Variants in PLEKHA5 observed in about 807,000 individuals in gnomAD.
PLEKHA5 encodes pleckstrin homology domain-containing family A member 5.
A neutral mutation model predicts 181.9 loss-of-function variants in PLEKHA5; 55 were observed. That is an observed-to-expected ratio of 0.30 (90% CI 0.24 to 0.38). The LOEUF (loss-of-function observed/expected upper bound fraction) is 0.38, where lower values mean the gene tolerates loss of function less well. Ranked by LOEUF, PLEKHA5 falls within the 10% of genes least tolerant of loss-of-function variation. The pLI is 1.00. For missense variants in PLEKHA5, 1,432 were observed against 1,549.5 expected, an observed-to-expected ratio of 0.92 and a Z score of 1.27; for synonymous variants, 535 against 529.4, an observed-to-expected ratio of 1.01 and a Z score of -0.15.
At chr12:19,367,912 T>C (rs951200520) in intron 30 of PLEKHA5, among the ~76,000 whole-genome samples, 3 of 151,890 alleles carry the variant, frequency 2.0e-5, no homozygotes, top group Middle Eastern at 3.4e-3. Flanking sequence ...AGTCCATAAG[T>C]AAAAAACCAT....
At chr12:19,200,498 C>A in intron 3 of PLEKHA5, 1 of 1,367,320 alleles carries the variant, frequency 7.3e-7, no homozygotes, top group Non-Finnish European at 9.4e-7. Flanking sequence ...TTCTCCATAA[C>A]AAATGTTCCA....
intron 5 of PLEKHA5, among the ~76,000 whole-genome samples, chr12:19,256,691 A>G (rs1189540204): frequency 6.6e-6 from 1 of 152,244 alleles, no homozygotes; most frequent in Non-Finnish European, 1.5e-5. Flanking sequence ...CTGGATTTCC[A>G]AAGATTCTGA....
At chr12:19,281,206 G>A (rs1295424421) in intron 11 of PLEKHA5, among the ~76,000 whole-genome samples, 2 of 148,462 alleles carry the variant, frequency 1.3e-5, no homozygotes, top group African/African-American at 5.0e-5. Context: ...CAGCCTGGGT[G>A]ACAGAGTGAG....
chr12:19,156,774 G>C (rs950182850), intron 3 of PLEKHA5, among the ~76,000 whole-genome samples: 6 of 151,770 alleles, frequency 4.0e-5, no homozygotes, highest in Non-Finnish European at 7.4e-5. Context: ...GTCCAGCACG[G>C]TGGCTCACGC....
intron 29 of PLEKHA5, among the ~76,000 whole-genome samples, chr12:19,362,176 A>T (rs1485112528): frequency 1.3e-5 from 2 of 149,094 alleles, no homozygotes; most frequent in African/African-American, 4.9e-5. Flanking sequence ...TCAAAAAAAA[A>T]AAAAAAAAAA....
intron 15 of PLEKHA5, among the ~76,000 whole-genome samples, chr12:19,304,671 T>C (rs2082616764): frequency 6.6e-6 from 1 of 151,786 alleles, no homozygotes; most frequent in Non-Finnish European, 1.5e-5. Flanking sequence ...AGGCTGTCTT[T>C]CCCCCAGTCC....
At chr12:19,245,031 GAAAGGT>G (rs2063396180) in intron 3 of PLEKHA5, among the ~76,000 whole-genome samples, 1 of 152,146 alleles carries the variant, frequency 6.6e-6, no homozygotes, top group Admixed American at 6.5e-5. Context: ...ATTGCATTAT[GAAAGGT>G]AGTGTGTAGC....
chr12:19,239,265 C>G (rs927519539), intron 3 of PLEKHA5, among the ~76,000 whole-genome samples: 1 of 152,166 alleles, frequency 6.6e-6, no homozygotes, highest in African/African-American at 2.4e-5. Context: ...ATAGCATGCC[C>G]TGCGTTGTAC....
intron 18 of PLEKHA5, among the ~76,000 whole-genome samples, chr12:19,321,229 A>T (rs1234908652): frequency 1.3e-5 from 2 of 151,908 alleles, no homozygotes; most frequent in Non-Finnish European, 2.9e-5. Context: ...TTTCAGATAA[A>T]GTTCGGCCTT....
At chr12:19,223,570 A>G (rs1411737281) in intron 3 of PLEKHA5, among the ~76,000 whole-genome samples, 3 of 152,296 alleles carry the variant, frequency 2.0e-5, no homozygotes, top group South Asian at 2.1e-4. Context: ...CATGGTATAC[A>G]TATCACCGAT....
chr12:19,346,045 G>A (rs2094310395), intron 23 of PLEKHA5, among the ~76,000 whole-genome samples, 157 bp downstream of exon 23: 1 of 151,960 alleles, frequency 6.6e-6, no homozygotes, highest in African/African-American at 2.4e-5. Flanking sequence ...TCAGTAATTT[G>A]GTGCTTCTAA....
intron 3 of PLEKHA5, among the ~76,000 whole-genome samples, chr12:19,247,982 G>C (rs2064214918): frequency 1.3e-5 from 2 of 151,678 alleles, no homozygotes; most frequent in Admixed American, 1.3e-4. Context: ...GCCCAGGCTG[G>C]AGTGCAGTGG....
chr12:19,141,765 AGTAGAACTT>A (rs60975266), intron 3 of PLEKHA5, among the ~76,000 whole-genome samples: 116,574 of 152,070 alleles, frequency 0.77, 47,891 homozygotes, highest in Non-Finnish European at 0.92. Flanking sequence ...CACAAGTGGC[AGTAGAACTT>A]CACTGTGGTG....
At chr12:19,284,112 A>G (rs916733516) in intron 12 of PLEKHA5, among the ~76,000 whole-genome samples, 1 of 152,268 alleles carries the variant, frequency 6.6e-6, no homozygotes. Context: ...TCTGTTGCCC[A>G]GGCTGGAATG....
chr12:19,153,440 G>C (rs2040930237), intron 3 of PLEKHA5: 2 of 152,072 alleles, frequency 1.3e-5, no homozygotes, highest in Admixed American at 1.3e-4. Flanking sequence ...AGTTAATAAA[G>C]TTTGTATTTT....
At chr12:19,144,813 T>C (rs540637482) in intron 3 of PLEKHA5, among the ~76,000 whole-genome samples, 1 of 152,328 alleles carries the variant, frequency 6.6e-6, no homozygotes, top group South Asian at 2.1e-4. Context: ...TCTGTTAATT[T>C]TTATCATAAA....
intron 7 of PLEKHA5, 63 bp from the exon 8 acceptor site, chr12:19,265,687 C>A: frequency 1.1e-6 from 1 of 924,324 alleles, no homozygotes; most frequent in Non-Finnish European, 1.7e-6. Context: ...AAAAATAGAT[C>A]TTGAAAAACT....
At chr12:19,361,817 G>A (rs1038243101) in intron 29 of PLEKHA5, 111 bp downstream of exon 29, 21 of 885,328 alleles carry the variant, frequency 2.4e-5, no homozygotes, top group Middle Eastern at 2.3e-4. Context: ...AGCTACCTAG[G>A]AGCTATAGAA....
At chr12:19,231,475 C>A (rs2060529938) in intron 3 of PLEKHA5, among the ~76,000 whole-genome samples, 1 of 105,728 alleles carries the variant, frequency 9.5e-6, no homozygotes, top group African/African-American at 3.0e-5. Flanking sequence ...TATATTCATC[C>A]AAAAGGTTAT....
Sources: allele counts gnomAD v4.1 joint callset (sites outside exome capture counted in the v4.1 genomes callset), GRCh38; gene constraint gnomAD v4.1.1; transcripts MANE v1.5; gene names NCBI Gene and HGNC (gene_info 2026-07-23, HGNC 2026-07-21).